ZNG1B: variants seen among roughly 807,000 people sequenced by gnomAD.
ZNG1B encodes the protein Zn regulated GTPase metalloprotein activator 1B, also known as zinc-regulated GTPase metalloprotein activator 1B.
At chr2:113,448,175 T>TG in the ZNG1B span, among the ~76,000 whole-genome samples, 3 of 152,012 alleles carry the variant, frequency 2.0e-5, no homozygotes, top group Non-Finnish European at 4.4e-5. Context: ...CCTTGATCAG[T>TG]GGGCTGCAGA....
At chr2:113,455,466 T>C in the ZNG1B span, 468 of 504,026 alleles carry the variant, frequency 9.3e-4, 1 homozygote, top group African/African-American at 8.0e-3. Flanking sequence ...AGAATGCATT[T>C]AAATGAGGTT....
At chr2:113,439,748 C>G in the ZNG1B span, among the ~76,000 whole-genome samples, 1 of 152,092 alleles carries the variant, frequency 6.6e-6, no homozygotes, top group Non-Finnish European at 1.5e-5. Context: ...TTTACTGTGA[C>G]TCCTCTGGCT....
the ZNG1B span, among the ~76,000 whole-genome samples, chr2:113,493,251 G>C: frequency 3.7e-5 from 5 of 134,370 alleles, 1 homozygote; most frequent in South Asian, 1.0e-3. Context: ...AATTTACTTT[G>C]GTTTTGAGTT....
the ZNG1B span, chr2:113,494,514 T>G: frequency 1.5e-4 from 90 of 600,654 alleles, 9 homozygotes; most frequent in Admixed American, 5.8e-4. Context: ...TGTTCACAAG[T>G]GTGCACAAAG....
At chr2:113,476,621 C>T in the ZNG1B span, among the ~76,000 whole-genome samples, 22 of 149,958 alleles carry the variant, frequency 1.5e-4, no homozygotes, top group Non-Finnish European at 3.2e-4. Context: ...AGTTTTTCTG[C>T]TCTGTTTTTT....
At chr2:113,446,958 C>T in the ZNG1B span, among the ~76,000 whole-genome samples, 9,988 of 150,260 alleles carry the variant, frequency 0.066, 1,001 homozygotes, top group African/African-American at 0.23. Context: ...TCTACTGAAT[C>T]GGAATCTCTA....
chr2:113,444,945 A>G, the ZNG1B span: 2 of 1,608,910 alleles, frequency 1.2e-6, no homozygotes, highest in Non-Finnish European at 1.7e-6. Flanking sequence ...ACTGTAAATG[A>G]TGTTTTGGTA....
chr2:113,482,007 C>T, the ZNG1B span: 732 of 939,758 alleles, frequency 7.8e-4, 6 homozygotes, highest in African/African-American at 0.011. Flanking sequence ...AAAACTTAAT[C>T]TGCCAGCTTT....
chr2:113,488,154 A>G, the ZNG1B span, among the ~76,000 whole-genome samples: 8 of 152,112 alleles, frequency 5.3e-5, no homozygotes, highest in Non-Finnish European at 1.0e-4. Flanking sequence ...GCTGGTATCC[A>G]CAGCTGAGAG....
chr2:113,488,558 A>G, the ZNG1B span, among the ~76,000 whole-genome samples: 1 of 151,948 alleles, frequency 6.6e-6, no homozygotes, highest in Non-Finnish European at 1.5e-5. Flanking sequence ...TAGGTTGGTT[A>G]TTAAGCTAAG....
chr2:113,474,529 A>T, the ZNG1B span, among the ~76,000 whole-genome samples: 122 of 148,686 alleles, frequency 8.2e-4, no homozygotes, highest in African/African-American at 2.8e-3. Context: ...GCCTTCTGCT[A>T]GCTTTTGAAT....
chr2:113,473,348 CTT>C, the ZNG1B span, among the ~76,000 whole-genome samples: 1 of 146,844 alleles, frequency 6.8e-6, no homozygotes, highest in Non-Finnish European at 1.5e-5. Flanking sequence ...TATCCTGAGA[CTT>C]TGCTGAAGTT....
At chr2:113,438,846 T>C in the ZNG1B span, among the ~76,000 whole-genome samples, 37 of 152,252 alleles carry the variant, frequency 2.4e-4, no homozygotes, top group Non-Finnish European at 4.6e-4. Flanking sequence ...GGAAATAATA[T>C]TCCTAGTTGT....
the ZNG1B span, among the ~76,000 whole-genome samples, chr2:113,488,459 C>A: frequency 2.6e-5 from 4 of 152,106 alleles, no homozygotes; most frequent in Non-Finnish European, 5.9e-5. Flanking sequence ...AAAGAAGGTT[C>A]TTTAACACCC....
the ZNG1B span, among the ~76,000 whole-genome samples, chr2:113,493,200 T>C: frequency 1.1e-4 from 15 of 132,990 alleles, 3 homozygotes; most frequent in East Asian, 3.2e-3. Context: ...CAGTTAAAGA[T>C]AAGCCAAGCC....
the ZNG1B span, among the ~76,000 whole-genome samples, chr2:113,438,741 A>C: frequency 6.6e-6 from 1 of 152,046 alleles, no homozygotes; most frequent in Non-Finnish European, 1.5e-5. Context: ...ATATTTTTAA[A>C]CCTTACAGTT....
the ZNG1B span, among the ~76,000 whole-genome samples, chr2:113,452,922 CAA>C: frequency 4.0e-5 from 6 of 151,414 alleles, no homozygotes; most frequent in East Asian, 1.9e-4. Flanking sequence ...AAGGAAATAA[CAA>C]GAGAGATGGA....
the ZNG1B span, chr2:113,462,283 T>TA: frequency 1.0e-6 from 1 of 989,154 alleles, no homozygotes; most frequent in Non-Finnish European, 1.5e-6. Context: ...TCTTAACTGA[T>TA]ATATTGATCT....
At chr2:113,487,560 C>A in the ZNG1B span, among the ~76,000 whole-genome samples, 6 of 151,526 alleles carry the variant, frequency 4.0e-5, no homozygotes, top group African/African-American at 1.5e-4. Flanking sequence ...CCCCTGGTAA[C>A]CACCATTTTA....
Sources: allele counts gnomAD v4.1 joint callset (sites outside exome capture counted in the v4.1 genomes callset), GRCh38; gene constraint gnomAD v4.1.1; transcripts MANE v1.5; gene names NCBI Gene and HGNC (gene_info 2026-07-23, HGNC 2026-07-21).